The following SPAG16 variants were observed in gnomAD, a reference collection of about 807,000 sequenced individuals.
The protein encoded by SPAG16 is sperm associated antigen 16, also known as sperm-associated antigen 16 protein.
A neutral mutation model predicts 80.4 loss-of-function variants in SPAG16; 86 were observed. The ratio of observed to expected loss-of-function variants is 1.07; its 90% confidence interval spans 0.90 to 1.28. The LOEUF is 1.28. SPAG16 is among the 50% of genes most tolerant of loss of function. The probability of loss-of-function intolerance (pLI) is 0.00; values close to 1 mark genes in which losing one functional copy is unlikely to be tolerated. For synonymous variants in SPAG16, 294 were observed against 265.9 expected, an observed-to-expected ratio of 1.11 and a Z score of -1.03; for missense variants, 870 against 765.3, an observed-to-expected ratio of 1.14 and a Z score of -1.61.
chr2:214,250,210 A>G (rs960885899), intron 15 of SPAG16: 2 of 152,156 alleles, frequency 1.3e-5, no homozygotes, highest in Non-Finnish European at 2.9e-5. Context: ...TAGACATTTG[A>G]TAAGCATTCT....
intron 9 of SPAG16, among the ~76,000 whole-genome samples, chr2:213,449,443 C>G (rs2071554374): frequency 6.6e-6 from 1 of 152,116 alleles, no homozygotes; most frequent in Admixed American, 6.6e-5. Context: ...TTCTTACACC[C>G]CCTCCCCTTT....
intron 10 of SPAG16, among the ~76,000 whole-genome samples, chr2:213,654,672 G>A (rs2063153067): frequency 6.6e-6 from 1 of 150,866 alleles, no homozygotes; most frequent in Non-Finnish European, 1.5e-5. Context: ...AGCCGAGATT[G>A]CGCCACTGCA....
intron 15 of SPAG16, among the ~76,000 whole-genome samples, chr2:214,303,439 A>G (rs1217990731): frequency 6.6e-6 from 1 of 152,202 alleles, no homozygotes; most frequent in Non-Finnish European, 1.5e-5. Context: ...GAACTCCACA[A>G]ACAGTGCCCT....
intron 15 of SPAG16, among the ~76,000 whole-genome samples, chr2:214,271,682 C>T (rs1039061763): frequency 8.6e-5 from 13 of 151,974 alleles, no homozygotes; most frequent in South Asian, 2.1e-4. Context: ...TGCCTGTAAT[C>T]CCAGCTACTC....
At chr2:214,080,304 C>A (rs1311157032) in intron 13 of SPAG16, among the ~76,000 whole-genome samples, 1 of 151,994 alleles carries the variant, frequency 6.6e-6, no homozygotes, top group African/African-American at 2.4e-5. Context: ...TTGAAAAATT[C>A]TAACCACATT....
At chr2:214,306,069 T>G (rs1353003175) in intron 15 of SPAG16, among the ~76,000 whole-genome samples, 1 of 152,162 alleles carries the variant, frequency 6.6e-6, no homozygotes, top group Non-Finnish European at 1.5e-5. Context: ...TGTTTTGTAG[T>G]TCTTCATATA....
chr2:214,031,843 C>T (rs2048430678), intron 13 of SPAG16, among the ~76,000 whole-genome samples: 1 of 152,064 alleles, frequency 6.6e-6, no homozygotes. Flanking sequence ...GGAAGTGCTA[C>T]ACACTTTTAA....
intron 15 of SPAG16, among the ~76,000 whole-genome samples, chr2:214,196,672 A>G (rs1270808203): frequency 2.0e-5 from 3 of 152,210 alleles, no homozygotes; most frequent in East Asian, 3.9e-4. Context: ...TGCCTGTTAC[A>G]TTATTTGTGG....
intron 11 of SPAG16, among the ~76,000 whole-genome samples, chr2:213,867,951 G>T (rs1227943562): frequency 7.4e-5 from 6 of 81,202 alleles, no homozygotes; most frequent in Admixed American, 1.2e-4. Context: ...AAAAAAAAAA[G>T]ATAGCTCAAA....
intron 15 of SPAG16, among the ~76,000 whole-genome samples, chr2:214,376,619 A>G (rs1700150329): frequency 6.6e-6 from 1 of 152,220 alleles, no homozygotes; most frequent in Admixed American, 6.5e-5. Context: ...TCTGATTAAA[A>G]AGAGCTTATT....
At chr2:213,511,804 T>G (rs1350503884) in intron 10 of SPAG16, among the ~76,000 whole-genome samples, 2 of 152,104 alleles carry the variant, frequency 1.3e-5, no homozygotes, top group Non-Finnish European at 2.9e-5. Context: ...CCTTGATAGA[T>G]GTAAAGTCAT....
chr2:213,639,021 C>T (rs1048439196), intron 10 of SPAG16, among the ~76,000 whole-genome samples: 3 of 152,060 alleles, frequency 2.0e-5, no homozygotes, highest in Non-Finnish European at 4.4e-5. Flanking sequence ...TTTTTAACTG[C>T]TGTCACTTTA....
intron 9 of SPAG16, among the ~76,000 whole-genome samples, chr2:213,406,859 G>A (rs369978670): frequency 1.3e-5 from 2 of 150,916 alleles, no homozygotes; most frequent in African/African-American, 4.9e-5. Context: ...CCCAGCCCTA[G>A]TGTGGTGGCC....
At chr2:214,323,472 A>G (rs965611855) in intron 15 of SPAG16, among the ~76,000 whole-genome samples, 2 of 152,162 alleles carry the variant, frequency 1.3e-5, no homozygotes, top group Admixed American at 6.5e-5. Flanking sequence ...TTTTAACTAC[A>G]TGGGTGAGTA....
At chr2:214,279,750 T>G (rs1308407540) in intron 15 of SPAG16, among the ~76,000 whole-genome samples, 2 of 152,202 alleles carry the variant, frequency 1.3e-5, no homozygotes, top group Non-Finnish European at 2.9e-5. Context: ...CATGAAACAT[T>G]GACCAAGATA....
chr2:213,688,484 A>G (rs2064792955), intron 10 of SPAG16, among the ~76,000 whole-genome samples: 1 of 152,202 alleles, frequency 6.6e-6, no homozygotes, highest in South Asian at 2.1e-4. Context: ...TTGTCAGGTA[A>G]TGTTACACAT....
chr2:213,734,468 A>G (rs956130071), intron 10 of SPAG16, among the ~76,000 whole-genome samples: 46 of 152,216 alleles, frequency 3.0e-4, no homozygotes, highest in Non-Finnish European at 7.3e-5. Flanking sequence ...AATAAGATAA[A>G]ACTTTTATTA....
chr2:214,010,758 G>A lies in SPAG16; in HGVS notation c.1401-3193G>A, dbSNP rs539627366. Among the ~76,000 whole-genome samples, 389 of 146,464 alleles carry A rather than the reference G, an allele frequency of 2.7e-3. 31 individuals carry two copies. The highest frequency in any genetic ancestry group is 4.3e-3 in the Non-Finnish European group (286 of 67,290). The stretch of plus-strand genomic sequence containing the variant: ...AATTTAAACATATATTAAACACTAG[G>A]AAGATGGGGAAGGAGGGACGCTGAG... On this transcript the variant is annotated intron_variant, in intron 12 of 15. Coordinates refer to ENST00000331683, the MANE Select transcript of SPAG16 (RefSeq NM_024532.5).
At chr2:213,521,511 G>T (rs1043817355) in intron 10 of SPAG16, among the ~76,000 whole-genome samples, 1 of 152,144 alleles carries the variant, frequency 6.6e-6, no homozygotes, top group East Asian at 1.9e-4. Context: ...GCTCCACAAT[G>T]CCAGTGGACC....
Sources: allele counts gnomAD v4.1 joint callset (sites outside exome capture counted in the v4.1 genomes callset), GRCh38; gene constraint gnomAD v4.1.1; transcripts MANE v1.5; gene names NCBI Gene and HGNC (gene_info 2026-07-23, HGNC 2026-07-21).